ATP13A1: variants seen among roughly 807,000 people sequenced by gnomAD.
The protein encoded by ATP13A1 is endoplasmic reticulum transmembrane helix translocase.
Under a neutral mutation model 134.8 loss-of-function variants are expected in ATP13A1, and 55 were observed. The observed-to-expected ratio is 0.41, with a 90% CI of 0.33 to 0.51. The LOEUF (loss-of-function observed/expected upper bound fraction) is 0.51, where lower values mean the gene tolerates loss of function less well. Among genes scored for constraint, ATP13A1 ranks in the 20% least tolerant of loss-of-function variants. The pLI is 0.29. For synonymous variants in ATP13A1, 775 were observed against 725.1 expected (o/e 1.07, Z -1.10); for missense variants, 1,389 against 1,652.8 (o/e 0.84, Z 2.77).
rs556438100 is a variant in ATP13A1, at chr19:19,654,892, G to T, written c.1656-192C>A. On this transcript the variant is annotated intron_variant, in intron 12 of 25. Transcript: ENST00000357324. ...CAGAAGCCAGGCATTGTGCCTGGGG[G>T]TCATGTGGTGCATGGCTGGTGTGGG... Among the ~76,000 whole-genome samples the T allele has an allele frequency of 3.9e-5, 6 of 152,344 alleles. No homozygotes were observed. In the East Asian group the frequency reaches 1.2e-3, roughly 29 times the overall value.
At chr19:19,663,136 A>G in intron 1 of ATP13A1, 135 bp downstream of exon 1, 2 of 1,294,908 alleles carry the variant, frequency 1.5e-6, no homozygotes, top group East Asian at 5.0e-5. Flanking sequence ...GCCAAAGTGT[A>G]GAGGGTGCCC....
Position 19,645,617 on chromosome 19 carries a change from C to G in ATP13A1, c.3504+30G>C, listed in dbSNP as rs1244907705. ...CATAGGAGGGACCCATCAAGCTGAGCCCCAGGGTCACCTCCACAGGGCCAC... is the reference window on the plus strand; with the variant it reads ...CATAGGAGGGACCCATCAAGCTGAGGCCCAGGGTCACCTCCACAGGGCCAC... On this transcript the variant is annotated intron_variant, in intron 25 of 25. Coordinates refer to ENST00000357324, the MANE Select transcript of ATP13A1 (RefSeq NM_020410.3). The surrounding 1 kb of genome is among the most constrained non-coding windows in gnomAD (Gnocchi z 4.1). 2 of 1,561,842 alleles carry G rather than the reference C, an allele frequency of 1.3e-6. No homozygotes were observed. Among genetic ancestry groups the G allele is most frequent in the Non-Finnish European group, 1.7e-6 (2 of 1,153,192 alleles).
chr19:19,656,295 C>T lies in ATP13A1; in HGVS notation c.1084-112G>A, dbSNP rs930502815. On this transcript the variant is annotated intron_variant, in intron 7 of 25. Coordinates refer to ENST00000357324, the MANE Select transcript of ATP13A1 (RefSeq NM_020410.3). The surrounding 1 kb of genome is among the most constrained non-coding windows in gnomAD (Gnocchi z 4.6). ...TGGAATGAGCCAGGGGGATCCCCAC[C>T]CGACCAATACATCCCACCCAGCTCC... 2.8e-6 allele frequency: 4 copies of T among 1,407,942 alleles called. No homozygotes were observed. In the African/African-American group the frequency reaches 4.3e-5, roughly 15 times the overall value. 87.2% of individuals were successfully genotyped at this position (1,407,942 alleles called of 1,614,324 possible).
chr19:19,659,887 G>C lies in ATP13A1; in HGVS notation c.486+11C>G, dbSNP rs375205346. On this transcript the variant is annotated intron_variant, in intron 2 of 25. Transcript: ENST00000357324. ...AGCCCCTCCTCCAGGAGCCCAGCAG[G>C]CAGTCCCTACCTCATTGCGGTGCAG... is the stretch of plus-strand genomic sequence containing the variant. 100 of 1,588,580 alleles carry C rather than the reference G, an allele frequency of 6.3e-5. 1 individual carries two copies. The African/African-American group carries it at 1.1e-3, about 17-fold the overall frequency.
In ATP13A1 at chr19:19,646,198, C is replaced by A. The variant is rs754051767; in HGVS notation, c.3248+7G>T. 2.5e-6 allele frequency: 4 copies of A among 1,613,444 alleles called. No individual in the cohort carries two copies. The highest frequency in any genetic ancestry group is 3.4e-6 in the Non-Finnish European group (4 of 1,179,668). On this transcript the variant is annotated splice_region_variant and intron_variant, in intron 23 of 25. Coordinates refer to ENST00000357324, the MANE Select transcript of ATP13A1 (RefSeq NM_020410.3). ...AGGGACATCACCTCCTCCAAGGCAG[C>A]ACTTACTTCTCGGGGCTCCGGGCCT...
chr19:19,662,575 A>C (rs1055864067), intron 1 of ATP13A1, among the ~76,000 whole-genome samples: 1 of 152,122 alleles, frequency 6.6e-6, no homozygotes, highest in Admixed American at 6.6e-5. Context: ...AACTCCTCCG[A>C]CGACACTTGG....
rs762008058 is a variant in ATP13A1 at position 19,645,475 on chromosome 19, C to T, written c.3562G>A (p.Asp1188Asn). 2 of 1,608,378 alleles carry T rather than the reference C, an allele frequency of 1.2e-6. No homozygotes were observed. The highest frequency in any genetic ancestry group is 1.1e-5 in the South Asian group (1 of 90,054). The change falls in exon 26 of 26, where the codon GAC becomes AAC. Residue 1188 changes from aspartate to asparagine, a missense_variant. By Grantham distance (23) the Asp-to-Asn change is conservative. Coordinates refer to ENST00000357324, the MANE Select transcript of ATP13A1 (RefSeq NM_020410.3). This position sits in a 1 kb window ranked among gnomAD's most constrained non-coding sequence, Gnocchi z 4.1. ...CCCAGGAAGAACTGCAGGACGCGGT[C>T]GGCCAGGAGCGCCAGGCAGAAGTCC... ...LLDFCLALLA[D>N]RVLQFFLGTP...
intron 3 of ATP13A1, among the ~76,000 whole-genome samples, chr19:19,659,364 G>A (rs1418534393): frequency 6.6e-6 from 1 of 152,206 alleles, no homozygotes; most frequent in East Asian, 1.9e-4. Context: ...GTTGAGGCAG[G>A]AGAATCACTT....
rs200525190 is a variant in ATP13A1 at position 19,645,537 on chromosome 19, C to G, written c.3505-5G>C. On this transcript the variant is annotated splice_polypyrimidine_tract_variant and splice_region_variant and intron_variant, in intron 25 of 25. Coordinates refer to ENST00000357324, the MANE Select transcript of ATP13A1 (RefSeq NM_020410.3). This position sits in a 1 kb window ranked among gnomAD's most constrained non-coding sequence, Gnocchi z 4.1. ...CTGGGCAATGACCAGCTTGAACTGTCGGGGCAGGGAGGGATGGTGAGCTGG... is the reference window on the plus strand; with the variant it reads ...CTGGGCAATGACCAGCTTGAACTGTGGGGGCAGGGAGGGATGGTGAGCTGG... The G allele has an allele frequency of 6.3e-7, 1 of 1,591,318 alleles. No homozygotes were observed. Among genetic ancestry groups the G allele is most frequent in the Non-Finnish European group, 8.6e-7 (1 of 1,169,280 alleles).
chr19:19,653,087 G>C lies in ATP13A1; in HGVS notation c.2101-367C>G. 4.1e-6 allele frequency: 1 copy of C among 246,594 alleles called. No homozygotes were observed. The highest frequency in any genetic ancestry group is 1.1e-4 in the East Asian group (1 of 9,458). 15.3% of individuals were successfully genotyped at this position (246,594 alleles called of 1,614,324 possible). A position where few individuals can be genotyped will look rare whatever the true frequency, so the allele number is the denominator to read the frequency against. On this transcript the variant is annotated intron_variant, in intron 15 of 25. Transcript: ENST00000357324. The surrounding 1 kb of genome is among the most constrained non-coding windows in gnomAD (Gnocchi z 4.2). ...CACTGGGGCTCCACCACATACCACA[G>C]ACTGGGCACAGACCCCTGGCCTTAG...
At chr19:19,661,032 T>C (rs1404767796) in intron 1 of ATP13A1, among the ~76,000 whole-genome samples, 5 of 151,964 alleles carry the variant, frequency 3.3e-5, no homozygotes, top group Non-Finnish European at 5.9e-5. Flanking sequence ...TGAGCCGAGA[T>C]TGTGCCACTG....
In ATP13A1 at chr19:19,645,676, G is replaced by T. The variant is rs2144893955; in HGVS notation, c.3475C>A (p.Gln1159Lys). ...LLGSSPDFNS[Q>K]FGLVDIPVEF... ...ACAGGGATGTCCACGAGGCCAAACTGGCTGTTGAAGTCGGGCGAGGAGCCG... is the reference window on the plus strand; with the variant it reads ...ACAGGGATGTCCACGAGGCCAAACTTGCTGTTGAAGTCGGGCGAGGAGCCG... The change falls in exon 25 of 26, where the codon CAG becomes AAG. Residue 1159 changes from glutamine (Q) to lysine (K), a missense_variant. Physicochemically the swap from Gln to Lys is moderately conservative, Grantham distance 53 (BLOSUM62 1). Coordinates refer to ENST00000357324, the MANE Select transcript of ATP13A1 (RefSeq NM_020410.3). This position sits in a 1 kb window ranked among gnomAD's most constrained non-coding sequence, Gnocchi z 4.1. 6.3e-7 allele frequency: 1 copy of T among 1,575,220 alleles called. No homozygotes were observed. The highest frequency in any genetic ancestry group is 2.3e-5 in the East Asian group (1 of 42,666).
Position 19,655,350 on chromosome 19 carries a change from G to T in ATP13A1, c.1500C>A (p.Ala500=). The change falls in exon 11 of 26, where the codon GCC becomes GCA. Residue 500 remains alanine, a synonymous_variant. Coordinates refer to ENST00000357324, the MANE Select transcript of ATP13A1 (RefSeq NM_020410.3). This position sits in a 1 kb window ranked among gnomAD's most constrained non-coding sequence, Gnocchi z 5.7. ...PPELPIELSL[A]VNTSLIALAK... is the part of the protein sequence containing the mutation. ...CCAGGGCGATGAGGGAGGTGTTGAC[G>T]GCCAGGGACAGCTCGATGGGCAGCT... The T allele has an allele frequency of 2.5e-6, 4 of 1,613,958 alleles. No individual in the cohort carries two copies. The highest frequency in any genetic ancestry group is 2.5e-6 in the Non-Finnish European group (3 of 1,179,890).
chr19:19,656,604 C>A lies in ATP13A1; in HGVS notation c.1083+56G>T. On this transcript the variant is annotated intron_variant, in intron 7 of 25. Coordinates refer to ENST00000357324, the MANE Select transcript of ATP13A1 (RefSeq NM_020410.3). The surrounding 1 kb of genome is among the most constrained non-coding windows in gnomAD (Gnocchi z 4.6). ...ATCCCCGCCACCCCCTGGGCCTCCA[C>A]CTCCTGGCCTGTTTCCTCCTGAACA... 3.8e-6 allele frequency: 6 copies of A among 1,562,060 alleles called. No homozygotes were observed. The highest frequency in any genetic ancestry group is 5.2e-6 in the Non-Finnish European group (6 of 1,147,656).
intron 23 of ATP13A1, 38 bp from the exon 24 acceptor site, chr19:19,646,023 C>T (rs775118315): frequency 6.2e-7 from 1 of 1,606,252 alleles, no homozygotes; most frequent in South Asian, 1.1e-5. Flanking sequence ...CCCTCTCCTG[C>T]TCCGGCTCAC....
Position 19,656,595 on chromosome 19 carries a change from G to T in ATP13A1, c.1083+65C>A. On this transcript the variant is annotated intron_variant, in intron 7 of 25. Transcript: ENST00000357324. The surrounding 1 kb of genome is among the most constrained non-coding windows in gnomAD (Gnocchi z 4.6). ...CTGAGGGGGATCCCCGCCACCCCCT[G>T]GGCCTCCACCTCCTGGCCTGTTTCC... The T allele has an allele frequency of 6.6e-7, 1 of 1,516,974 alleles. No homozygotes were observed. 94.0% of individuals were successfully genotyped at this position (1,516,974 alleles called of 1,614,324 possible).
In ATP13A1 at chr19:19,655,676, CTTTCTG is replaced by C; in HGVS notation, c.1270-28_1270-23del. On this transcript the variant is annotated intron_variant, in intron 9 of 25. Transcript: ENST00000357324. The surrounding 1 kb of genome is among the most constrained non-coding windows in gnomAD (Gnocchi z 5.7). ...TGCCCTGGAGGAATGGAGGAACAGC[CTTTCTG>C]CTGTCTGGACTCCCTCCAGCAGCTC... 5 of 1,607,924 alleles carry C rather than the reference CTTTCTG, an allele frequency of 3.1e-6. No individual in the cohort carries two copies. Among genetic ancestry groups the C allele is most frequent in the Non-Finnish European group, 4.2e-6 (5 of 1,177,278 alleles).
chr19:19,646,522 C>T (rs972218318), intron 22 of ATP13A1, 175 bp from the exon 23 acceptor site: 6 of 789,926 alleles, frequency 7.6e-6, no homozygotes, highest in African/African-American at 1.7e-5. Context: ...TGCCTCTCAC[C>T]CCTGAGCCCA....
At position 19,653,780 on chromosome 19, in the gene ATP13A1, G is replaced by T; in HGVS notation, c.2100+4C>A. 1 of 1,548,540 alleles carries T rather than the reference G, an allele frequency of 6.5e-7. No individual in the cohort carries two copies. ...GTGAAGGCAGGGGGAGCCTGGGCCC[G>T]TACCTGCTGGTGAGTGAGGTGTCCC... On this transcript the variant is annotated splice_donor_region_variant and intron_variant, in intron 15 of 25. Coordinates refer to ENST00000357324, the MANE Select transcript of ATP13A1 (RefSeq NM_020410.3). The surrounding 1 kb of genome is among the most constrained non-coding windows in gnomAD (Gnocchi z 4.2).
Sources: allele counts gnomAD v4.1 joint callset (sites outside exome capture counted in the v4.1 genomes callset), GRCh38; gene constraint gnomAD v4.1.1; non-coding constraint Gnocchi (gnomAD v3.1); transcripts MANE v1.5; gene names NCBI Gene and HGNC (gene_info 2026-07-23, HGNC 2026-07-21).